Variants in DEFB116 observed in about 807,000 individuals in gnomAD.
DEFB116 encodes the protein beta-defensin 116.
In DEFB116, 5 loss-of-function variants were observed where a neutral mutation model predicts 2.8. The ratio of observed to expected loss-of-function variants is 1.80; its 90% confidence interval spans 0.94 to 3.79. The LOEUF (loss-of-function observed/expected upper bound fraction) is 3.79, where lower values mean the gene tolerates loss of function less well. Ranked by LOEUF, DEFB116 falls within the 30% of genes most tolerant of loss-of-function variation. DEFB116 has a pLI of 0.00. For missense variants in DEFB116, 170 were observed against 118.0 expected (o/e 1.44, Z -2.04); for synonymous variants, 56 against 40.8 (o/e 1.37, Z -1.42).
At position 31,304,956 on chromosome 20, in the gene DEFB116, C is replaced by T. The variant is rs535312207; in HGVS notation, c.68-1503G>A. Among the ~76,000 whole-genome samples the T allele has an allele frequency of 5.3e-5, 8 of 152,002 alleles. No homozygotes were observed. In the South Asian group the frequency reaches 8.3e-4, roughly 16 times the overall value. On this transcript the variant is annotated intron_variant, in intron 1 of 1. Transcript: ENST00000400549. ...CCCAATTTTAGGTGAAGTTGGAGAA[C>T]GGGAAGAGAAATAAAGAAGAGGGAA...
At chr20:31,306,493 G>C (rs887581153) in intron 1 of DEFB116, among the ~76,000 whole-genome samples, 2 of 152,136 alleles carry the variant, frequency 1.3e-5, no homozygotes, top group Admixed American at 6.5e-5. Flanking sequence ...AGCATAGAGT[G>C]CTGTCTTCAT....
In DEFB116 at chr20:31,303,310, G is replaced by T. The variant is rs757024264; in HGVS notation, c.211C>A (p.Leu71Ile). The change falls in exon 2 of 2, where the codon CTT (leucine) becomes ATT (isoleucine). Residue 71 changes from leucine (L) to isoleucine (I), a missense_variant. By Grantham distance (5) the Leu-to-Ile change is conservative (BLOSUM62 2). Transcript: ENST00000400549. ...TTAGAACTGGTTATTTTCACAGAAA[G>T]TTTCAGGCAGCACTTTTGATCATTT... ...CPNDQKCCLK[L>I]SVKITSSKNV... The T allele has an allele frequency of 5.0e-6, 8 of 1,613,606 alleles. No homozygotes were observed. In the Admixed American group the frequency reaches 1.3e-4, roughly 27 times the overall value.
rs6121358 is a variant in DEFB116, at chr20:31,308,510, C to T, written c.67+9G>A. The stretch of plus-strand genomic sequence containing the variant: ...AGACGCCAGAACCTTTGAGAGAGGC[C>T]TGAGTTACCTGGAGTCTTTTGAGCC... On this transcript the variant is annotated intron_variant, in intron 1 of 1. Coordinates refer to ENST00000400549, the MANE Select transcript of DEFB116 (RefSeq NM_001037731.1). The T allele has an allele frequency of 1.2e-6, 2 of 1,613,328 alleles. No individual in the cohort carries two copies. The highest frequency in any genetic ancestry group is 1.7e-6 in the Non-Finnish European group (2 of 1,179,394).
At chr20:31,305,789 G>T (rs576844890) in intron 1 of DEFB116, among the ~76,000 whole-genome samples, 1 of 152,114 alleles carries the variant, frequency 6.6e-6, no homozygotes, top group Admixed American at 6.6e-5. Context: ...TAAAAAAGAG[G>T]TTAATAAGAT....
At chr20:31,306,892 T>C (rs1985001728) in intron 1 of DEFB116, among the ~76,000 whole-genome samples, 5 of 152,160 alleles carry the variant, frequency 3.3e-5, no homozygotes, top group Admixed American at 3.3e-4. Flanking sequence ...CTCAGCCATC[T>C]ACAGTCACAT....
At chr20:31,306,190 T>C (rs982135297) in intron 1 of DEFB116, among the ~76,000 whole-genome samples, 2 of 152,172 alleles carry the variant, frequency 1.3e-5, no homozygotes, top group African/African-American at 4.8e-5. Flanking sequence ...TTTCTACTCA[T>C]ATATGTTTAT....
At chr20:31,306,022 G>A (rs1404249527) in intron 1 of DEFB116, among the ~76,000 whole-genome samples, 2 of 151,996 alleles carry the variant, frequency 1.3e-5, no homozygotes, top group Non-Finnish European at 2.9e-5. Context: ...CATTGGAAGT[G>A]TATTGAAAGC....
intron 1 of DEFB116, among the ~76,000 whole-genome samples, chr20:31,307,395 A>G (rs1318144618): frequency 6.6e-6 from 1 of 152,154 alleles, no homozygotes; most frequent in Non-Finnish European, 1.5e-5. Flanking sequence ...TATTTATCTT[A>G]CACCATACAC....
In DEFB116 at chr20:31,303,359, A is replaced by T. The variant is rs765234400; in HGVS notation, c.162T>A (p.Tyr54Ter). ...TTGGGCAGGTTAAGTATTGGATTTC[A>T]TATTCTCTGCAGGCGTTTCTGCACA... ...QGMCRNACRE[Y>*]EIQYLTCPND... Residue 54 changes from tyrosine (Y) to a stop codon, truncating the protein, a stop_gained, in exon 2 of 2, where the codon TAT becomes TAA. Coordinates refer to ENST00000400549, the MANE Select transcript of DEFB116 (RefSeq NM_001037731.1). LOFTEE classifies it low-confidence loss of function (END_TRUNC). 3.1e-6 allele frequency: 5 copies of T among 1,613,504 alleles called. No individual in the cohort carries two copies. The South Asian group carries it at 5.5e-5, about 18-fold the overall frequency.
At chr20:31,303,530 G>C (rs1045405798) in intron 1 of DEFB116, 77 bp from the exon 2 acceptor site, 42 of 1,551,016 alleles carry the variant, frequency 2.7e-5, no homozygotes, top group Non-Finnish European at 3.5e-5. Context: ...AAAGGAACAC[G>C]CCCTAAGACT....
At chr20:31,305,626 G>A (rs1257923263) in intron 1 of DEFB116, among the ~76,000 whole-genome samples, 3 of 151,924 alleles carry the variant, frequency 2.0e-5, no homozygotes, top group Admixed American at 6.6e-5. Flanking sequence ...TCCATCTTCC[G>A]ATTGAAGTCA....
rs1157469997 is a variant in DEFB116, at chr20:31,308,523, A to G, written c.63T>C (p.Thr21=). The G allele has an allele frequency of 6.2e-7, 1 of 1,613,470 alleles. No homozygotes were observed. The highest frequency in any genetic ancestry group is 8.5e-7 in the Non-Finnish European group (1 of 1,179,514). The stretch of plus-strand genomic sequence containing the variant: ...TTTGAGAGAGGCCTGAGTTACCTGG[A>G]GTCTTTTGAGCCAGGATCATAAGGA... ...IAILMILAQK[T]PGGLFRSHNG... The change falls in exon 1 of 2, where the codon ACT becomes ACC. Residue 21 remains threonine (T), a synonymous_variant. Coordinates refer to ENST00000400549, the MANE Select transcript of DEFB116 (RefSeq NM_001037731.1).
At chr20:31,305,110 T>G (rs1051600679) in intron 1 of DEFB116, among the ~76,000 whole-genome samples, 1 of 152,060 alleles carries the variant, frequency 6.6e-6, no homozygotes, top group East Asian at 1.9e-4. Flanking sequence ...GAAAGGAGGT[T>G]GAAAATGATA....
chr20:31,305,661 A>C (rs943213567), intron 1 of DEFB116, among the ~76,000 whole-genome samples: 1 of 151,962 alleles, frequency 6.6e-6, no homozygotes, highest in Non-Finnish European at 1.5e-5. Context: ...GCATTTCAGC[A>C]TAGTCTCTGG....
At chr20:31,305,933 C>T (rs1479014696) in intron 1 of DEFB116, among the ~76,000 whole-genome samples, 1 of 152,068 alleles carries the variant, frequency 6.6e-6, no homozygotes, top group African/African-American at 2.4e-5. Flanking sequence ...TACTAATGGG[C>T]TCCTGTTTGC....
In DEFB116 at chr20:31,305,674, C is replaced by T. The variant is rs1425530711; in HGVS notation, c.68-2221G>A. 3.3e-5 allele frequency among the ~76,000 whole-genome samples: 5 copies of T among 151,840 alleles called. No homozygotes were observed. The East Asian group carries it at 9.7e-4, about 29-fold the overall frequency. On this transcript the variant is annotated intron_variant, in intron 1 of 1. Transcript: ENST00000400549. ...TTGCATTTCAGCATAGTCTCTGGCCCTCTGCACCATGCTATATTTTAACCC... is the reference window on the plus strand; with the variant it reads ...TTGCATTTCAGCATAGTCTCTGGCCTTCTGCACCATGCTATATTTTAACCC...
intron 1 of DEFB116, among the ~76,000 whole-genome samples, chr20:31,304,941 G>A (rs1430828291): frequency 2.0e-5 from 3 of 152,050 alleles, no homozygotes; most frequent in Non-Finnish European, 1.5e-5. Flanking sequence ...CCCAATTTTA[G>A]GTGAAGTTGG....
chr20:31,303,529 C>G, intron 1 of DEFB116, 76 bp from the exon 2 acceptor site: 1 of 1,553,124 alleles, frequency 6.4e-7, no homozygotes. Flanking sequence ...TAAAGGAACA[C>G]GCCCTAAGAC....
At chr20:31,306,905 A>G (rs921943408) in intron 1 of DEFB116, among the ~76,000 whole-genome samples, 2 of 152,136 alleles carry the variant, frequency 1.3e-5, no homozygotes, top group Admixed American at 6.6e-5. Context: ...AGTCACATCT[A>G]TTGTTCTTCA....
Sources: allele counts gnomAD v4.1 joint callset (sites outside exome capture counted in the v4.1 genomes callset), GRCh38; gene constraint gnomAD v4.1.1; transcripts MANE v1.5; gene names NCBI Gene and HGNC (gene_info 2026-07-23, HGNC 2026-07-21).